The following PTPRQ variants were observed in gnomAD, a reference collection of about 807,000 sequenced individuals.
The protein encoded by PTPRQ is phosphatidylinositol phosphatase PTPRQ.
PTPRQ carries 199 observed loss-of-function variants against 246.0 expected under a neutral mutation model. The ratio of observed to expected loss-of-function variants is 0.81; its 90% confidence interval spans 0.72 to 0.91. The LOEUF (loss-of-function observed/expected upper bound fraction) is 0.91. Among genes scored for constraint, PTPRQ ranks in the 40% least tolerant of loss-of-function variants. The pLI is 0.00. For synonymous variants in PTPRQ, 869 were observed against 853.2 expected (o/e 1.02, Z -0.32); for missense variants, 2,624 against 2,528.4 (o/e 1.04, Z -0.81).
chr12:80,568,604 G>A (rs1324347659), intron 25 of PTPRQ, among the ~76,000 whole-genome samples: 2 of 152,160 alleles, frequency 1.3e-5, no homozygotes, highest in Non-Finnish European at 2.9e-5. Context: ...TCAGCTCTTT[G>A]TTCTGAAACT....
intron 9 of PTPRQ, among the ~76,000 whole-genome samples, chr12:80,489,917 T>C (rs1894391751): frequency 6.6e-6 from 1 of 151,954 alleles, no homozygotes; most frequent in African/African-American, 2.4e-5. Flanking sequence ...ACTTCTGAGA[T>C]TGATATAGAT....
chr12:80,605,189 T>C lies in PTPRQ; in HGVS notation c.4731+9T>C, dbSNP rs1217557055. ...TGATTGATGTCAAATCGGTAAGGCA[T>C]GTCTTACCTTCTGTAAAAGCCAGTA... On this transcript the variant is annotated intron_variant, in intron 27 of 44. Coordinates refer to ENST00000644991, the MANE Select transcript of PTPRQ (RefSeq NM_001145026.2). 13 of 1,539,384 alleles carry C rather than the reference T, an allele frequency of 8.4e-6. No homozygotes were observed. In the Admixed American group the frequency reaches 1.6e-4, roughly 19 times the overall value.
At chr12:80,448,817 T>G (rs1484539091) in intron 3 of PTPRQ, among the ~76,000 whole-genome samples, 1 of 149,224 alleles carries the variant, frequency 6.7e-6, no homozygotes, top group Non-Finnish European at 1.5e-5. Flanking sequence ...CTATTGTGAA[T>G]AGTGCCGCAA....
chr12:80,665,291 A>AGAAACAATACTTTGT (rs1419693213), intron 39 of PTPRQ, among the ~76,000 whole-genome samples: 21 of 152,062 alleles, frequency 1.4e-4, no homozygotes, highest in Non-Finnish European at 2.6e-4. Flanking sequence ...AGACACACCC[A>AGAAACAATACTTTGT]GAAACAATAC....
At position 80,511,234 on chromosome 12, in the gene PTPRQ, G is replaced by C. The variant is rs373886187; in HGVS notation, c.2678+791G>C. Among the ~76,000 whole-genome samples, 4 of 152,234 alleles carry C rather than the reference G, an allele frequency of 2.6e-5. No individual in the cohort carries two copies. The East Asian group carries it at 5.8e-4, about 22-fold the overall frequency. ...AGTCTCCTCTTCTTCTCTTTCCTAAGTTAAGATTTTTCTTTCCCTAATTCC... is the reference window on the plus strand; with the variant it reads ...AGTCTCCTCTTCTTCTCTTTCCTAACTTAAGATTTTTCTTTCCCTAATTCC... On this transcript the variant is annotated intron_variant, in intron 17 of 44. Transcript: ENST00000644991.
intron 17 of PTPRQ, among the ~76,000 whole-genome samples, chr12:80,510,848 C>G (rs1895105513): frequency 6.6e-6 from 1 of 152,062 alleles, no homozygotes; most frequent in Admixed American, 6.5e-5. Flanking sequence ...TTAAAGAAAT[C>G]TGTTATTTAA....
At chr12:80,523,472 G>T (rs971077205) in intron 17 of PTPRQ, among the ~76,000 whole-genome samples, 1 of 152,106 alleles carries the variant, frequency 6.6e-6, no homozygotes, top group African/African-American at 2.4e-5. Context: ...GTCAATTTTA[G>T]ATCTTTCCTG....
intron 27 of PTPRQ, among the ~76,000 whole-genome samples, chr12:80,607,048 G>A (rs920727612): frequency 6.6e-6 from 1 of 150,990 alleles, no homozygotes; most frequent in Non-Finnish European, 1.5e-5. Flanking sequence ...AGTGAGCAAG[G>A]GAAAGAGGGT....
At chr12:80,647,927 A>G (rs986834521) in intron 35 of PTPRQ, among the ~76,000 whole-genome samples, 9 of 152,074 alleles carry the variant, frequency 5.9e-5, no homozygotes, top group African/African-American at 1.9e-4. Flanking sequence ...CTAACATTCT[A>G]CTTTGTAATA....
chr12:80,624,595 A>C (rs564910066), intron 33 of PTPRQ, among the ~76,000 whole-genome samples: 1 of 152,286 alleles, frequency 6.6e-6, no homozygotes, highest in South Asian at 2.1e-4. Context: ...AGAATTCCTC[A>C]ATGACTAGCA....
intron 17 of PTPRQ, among the ~76,000 whole-genome samples, chr12:80,517,305 A>G (rs1230612244): frequency 6.6e-6 from 1 of 152,058 alleles, no homozygotes; most frequent in Non-Finnish European, 1.5e-5. Flanking sequence ...CTTTTATTTG[A>G]AGCATTTGCT....
intron 25 of PTPRQ, chr12:80,586,577 C>T (rs976516446): frequency 3.9e-5 from 6 of 152,132 alleles, no homozygotes; most frequent in African/African-American, 1.4e-4. Flanking sequence ...AATCATGCTG[C>T]TATAAAGGAA....
At position 80,445,673 on chromosome 12, in the gene PTPRQ, GTTC is replaced by G; in HGVS notation, c.352_354del (p.Leu118del). 1.3e-6 allele frequency: 2 copies of G among 1,549,752 alleles called. No individual in the cohort carries two copies. Among genetic ancestry groups the G allele is most frequent in the Non-Finnish European group, 1.7e-6 (2 of 1,145,592 alleles). On this transcript the variant is annotated inframe_deletion, in exon 3 of 45. Coordinates refer to ENST00000644991, the MANE Select transcript of PTPRQ (RefSeq NM_001145026.2). ...CAGATCAAAGCCAGACAGTCTGGAAGTTCTTCTTACTAATCTTAATCCTGGAAC... is the reference window on the plus strand; with the variant it reads ...CAGATCAAAGCCAGACAGTCTGGAAGTTCTTACTAATCTTAATCCTGGAAC...
In PTPRQ at chr12:80,496,670, C is replaced by A. The variant is rs1004912547; in HGVS notation, c.2272+139C>A. The A allele has an allele frequency of 1.6e-5, 18 of 1,107,810 alleles. No individual in the cohort carries two copies. In the African/African-American group the frequency reaches 2.8e-4, roughly 17 times the overall value. The allele number at this position is 1,107,810 out of a possible 1,614,324, so 68.6% of individuals were successfully genotyped here. A position where few individuals can be genotyped will look rare whatever the true frequency, so the allele number is the denominator to read the frequency against. ...TTTATATAATCCAGAAATTAATTTTCTTTTTCAGGCAAAAGTGCAGGAAAA... is the reference window on the plus strand; with the variant it reads ...TTTATATAATCCAGAAATTAATTTTATTTTTCAGGCAAAAGTGCAGGAAAA... On this transcript the variant is annotated intron_variant, in intron 14 of 44. Transcript: ENST00000644991.
chr12:80,481,995 T>G (rs1406373001), intron 8 of PTPRQ, among the ~76,000 whole-genome samples: 1 of 128,390 alleles, frequency 7.8e-6, no homozygotes. Context: ...AAGCTACCAA[T>G]GCCTTTCTTC....
intron 3 of PTPRQ, among the ~76,000 whole-genome samples, chr12:80,449,608 C>A (rs1238230273): frequency 6.6e-6 from 1 of 151,742 alleles, no homozygotes; most frequent in African/African-American, 2.4e-5. Context: ...AGCCAGTTTT[C>A]CCAGCACCAT....
intron 7 of PTPRQ, among the ~76,000 whole-genome samples, chr12:80,469,560 C>T (rs1185990687): frequency 6.6e-6 from 1 of 151,860 alleles, no homozygotes; most frequent in Non-Finnish European, 1.5e-5. Flanking sequence ...AATAAAGCCA[C>T]ATATTATCAT....
At chr12:80,553,525 T>G (rs1216874775) in intron 25 of PTPRQ, among the ~76,000 whole-genome samples, 1 of 152,160 alleles carries the variant, frequency 6.6e-6, no homozygotes, top group Non-Finnish European at 1.5e-5. Context: ...CGTACTTATT[T>G]TTGACATAAA....
intron 26 of PTPRQ, among the ~76,000 whole-genome samples, chr12:80,602,549 G>A (rs997546232): frequency 2.6e-5 from 4 of 151,708 alleles, no homozygotes; most frequent in Non-Finnish European, 4.4e-5. Flanking sequence ...GGAGGAACGC[G>A]TGTCCTCACA....
Sources: allele counts gnomAD v4.1 joint callset (sites outside exome capture counted in the v4.1 genomes callset), GRCh38; gene constraint gnomAD v4.1.1; transcripts MANE v1.5; gene names NCBI Gene and HGNC (gene_info 2026-07-23, HGNC 2026-07-21).